The following HS3ST3B1 variants were observed in gnomAD, a reference collection of about 807,000 sequenced individuals.
HS3ST3B1 encodes heparan sulfate glucosamine 3-O-sulfotransferase 3B1.
Under a neutral mutation model 21.3 loss-of-function variants are expected in HS3ST3B1, and 13 were observed. That is an observed-to-expected ratio of 0.61 (90% CI 0.40 to 0.97). The LOEUF is 0.97. HS3ST3B1 is among the 50% of genes least tolerant of loss of function. HS3ST3B1 has a pLI of 0.00. For missense variants in HS3ST3B1, 459 were observed against 554.8 expected (o/e 0.83, Z 1.73); for synonymous variants, 234 against 254.8 (o/e 0.92, Z 0.78).
chr17:14,321,842 A>T (rs1445234937), intron 1 of HS3ST3B1, among the ~76,000 whole-genome samples: 1 of 152,104 alleles, frequency 6.6e-6, no homozygotes, highest in Admixed American at 6.5e-5. Flanking sequence ...TGAAAAATGA[A>T]CTCCTAAAAT....
rs142129318 is a variant in HS3ST3B1 at position 14,335,426 on chromosome 17, G to A, written c.555-9602G>A. Reference sequence around the variant, plus strand: ...ATATGAAAATTTGGCCAGATGCGGTGGCTCATGCCTGTAATCCCAACACTT... The same window carrying A: ...ATATGAAAATTTGGCCAGATGCGGTAGCTCATGCCTGTAATCCCAACACTT... On this transcript the variant is annotated intron_variant, in intron 1 of 1. Coordinates refer to ENST00000360954, the MANE Select transcript of HS3ST3B1 (RefSeq NM_006041.3). Among the ~76,000 whole-genome samples the A allele has an allele frequency of 2.6e-3, 394 of 152,294 alleles. 2 individuals are homozygous for A. Among genetic ancestry groups the A allele is most frequent in the Admixed American group, 4.6e-3 (71 of 15,302 alleles).
intron 1 of HS3ST3B1, chr17:14,328,480 G>C (rs1021514190): frequency 3.9e-5 from 6 of 152,146 alleles, no homozygotes; most frequent in African/African-American, 1.4e-4. Context: ...TAGGGAAGGG[G>C]GTGTGGACTT....
chr17:14,323,907 C>T (rs1343411167), intron 1 of HS3ST3B1, among the ~76,000 whole-genome samples: 1 of 152,070 alleles, frequency 6.6e-6, no homozygotes, highest in African/African-American at 2.4e-5. Flanking sequence ...TGTTCCCAGC[C>T]CAGGGAATTG....
chr17:14,333,381 C>T (rs1042829251), intron 1 of HS3ST3B1, among the ~76,000 whole-genome samples: 1 of 151,014 alleles, frequency 6.6e-6, no homozygotes, highest in African/African-American at 2.4e-5. Flanking sequence ...GCAGGAGAAT[C>T]GCTTGAACCC....
intron 1 of HS3ST3B1, among the ~76,000 whole-genome samples, chr17:14,319,533 T>G (rs564292496): frequency 4.6e-5 from 7 of 152,212 alleles, no homozygotes; most frequent in Non-Finnish European, 8.8e-5. Context: ...ATTAATGTAT[T>G]GAGCATCTAC....
At chr17:14,308,473 G>A (rs1369092305) in intron 1 of HS3ST3B1, among the ~76,000 whole-genome samples, 2 of 152,128 alleles carry the variant, frequency 1.3e-5, no homozygotes, top group African/African-American at 4.8e-5. Context: ...ACTTCATTGT[G>A]TCATGGATGA....
At chr17:14,339,369 T>A (rs186874813) in intron 1 of HS3ST3B1, among the ~76,000 whole-genome samples, 1 of 152,286 alleles carries the variant, frequency 6.6e-6, no homozygotes, top group Admixed American at 6.5e-5. Context: ...ATTAGGCTAC[T>A]AATGTATGAA....
chr17:14,337,333 T>A (rs1419173880), intron 1 of HS3ST3B1, among the ~76,000 whole-genome samples: 3 of 68,098 alleles, frequency 4.4e-5, no homozygotes, highest in Non-Finnish European at 1.0e-4. Context: ...CCTGATTGGA[T>A]TTTTTTTTTT....
chr17:14,315,690 G>A (rs1012927944), intron 1 of HS3ST3B1, among the ~76,000 whole-genome samples: 5 of 151,952 alleles, frequency 3.3e-5, no homozygotes, highest in African/African-American at 7.3e-5. Flanking sequence ...GCGTGGTGGC[G>A]GGTGCCTCTA....
At chr17:14,309,733 C>T (rs916859179) in intron 1 of HS3ST3B1, among the ~76,000 whole-genome samples, 2 of 152,210 alleles carry the variant, frequency 1.3e-5, no homozygotes, top group Non-Finnish European at 2.9e-5. Flanking sequence ...CACAAATTCT[C>T]CTGTTTTCTG....
intron 1 of HS3ST3B1, chr17:14,329,411 GAGAA>G (rs1236249619): frequency 9.5e-5 from 14 of 146,664 alleles, no homozygotes; most frequent in South Asian, 2.2e-4. Context: ...AAGGAAAAGA[GAGAA>G]AGAGAGAGAG....
intron 1 of HS3ST3B1, among the ~76,000 whole-genome samples, chr17:14,323,009 G>A (rs181373227): frequency 1.8e-4 from 27 of 149,730 alleles, no homozygotes; most frequent in African/African-American, 4.7e-4. Context: ...GGGTTCAAGC[G>A]ATTCTCCTGC....
At chr17:14,317,901 C>T (rs528227007) in intron 1 of HS3ST3B1, among the ~76,000 whole-genome samples, 1 of 141,946 alleles carries the variant, frequency 7.0e-6, no homozygotes, top group East Asian at 2.1e-4. Flanking sequence ...TTTGTGATTT[C>T]AAGACAGAGA....
intron 1 of HS3ST3B1, among the ~76,000 whole-genome samples, chr17:14,309,878 T>A (rs1909251489): frequency 6.6e-6 from 1 of 152,264 alleles, no homozygotes; most frequent in African/African-American, 2.4e-5. Flanking sequence ...ACACTTCGGC[T>A]TTTTCGGACC....
chr17:14,302,136 T>C, intron 1 of HS3ST3B1, 64 bp downstream of exon 1: 2 of 1,498,750 alleles, frequency 1.3e-6, no homozygotes, highest in East Asian at 2.4e-5. Context: ...AAGGGAGACA[T>C]GGCGTATGAT....
At chr17:14,313,115 T>TATATAC (rs1909376893) in intron 1 of HS3ST3B1, among the ~76,000 whole-genome samples, 1 of 147,086 alleles carries the variant, frequency 6.8e-6, no homozygotes, top group African/African-American at 2.6e-5. Flanking sequence ...TGTGTATATA[T>TATATAC]ATATATATGT....
chr17:14,342,630 A>G (rs944580028), intron 1 of HS3ST3B1, among the ~76,000 whole-genome samples: 4 of 152,206 alleles, frequency 2.6e-5, no homozygotes, highest in African/African-American at 9.7e-5. Flanking sequence ...ATAATTATTA[A>G]TTGTTTAATC....
chr17:14,348,068 T>C lies in HS3ST3B1; in HGVS notation c.*2422T>C, dbSNP rs1286070042. ...ACCTGGTCTTGCCCTGTCTACTTTC[T>C]GATCATTCTGATGGTCTGATGTGGC... On this transcript the variant is annotated 3_prime_UTR_variant, in exon 2 of 2. Transcript: ENST00000360954. 6.6e-6 allele frequency: 1 copy of C among 152,248 alleles called. No individual in the cohort carries two copies. The highest frequency in any genetic ancestry group is 2.4e-5 in the African/African-American group (1 of 41,468). 9.4% of individuals were successfully genotyped at this position (152,248 alleles called of 1,614,324 possible). A position where few individuals can be genotyped will look rare whatever the true frequency, so the allele number is the denominator to read the frequency against.
At chr17:14,310,265 T>A (rs1021564546) in intron 1 of HS3ST3B1, among the ~76,000 whole-genome samples, 2 of 152,118 alleles carry the variant, frequency 1.3e-5, no homozygotes, top group Non-Finnish European at 2.9e-5. Context: ...CCTTCCGCGC[T>A]GTTCACACAC....
Sources: gnomAD v4.1 joint callset for allele counts (sites outside exome capture counted in the v4.1 genomes callset) on GRCh38, gnomAD v4.1.1 for gene constraint, MANE v1.5 for transcripts, NCBI Gene and HGNC (gene_info 2026-07-23, HGNC 2026-07-21) for gene names.